The following PRRT1B variants were observed in gnomAD, a reference collection of about 807,000 sequenced individuals.
PRRT1B encodes dispanin subfamily D member 2.
At chr9:131,550,233 T>C (rs1004087501) in intron 1 of PRRT1B, among the ~76,000 whole-genome samples, 4 of 152,220 alleles carry the variant, frequency 2.6e-5, no homozygotes, top group Non-Finnish European at 5.9e-5. Context: ...CAAATTGTTT[T>C]GTCTATCCAC....
chr9:131,557,425 C>T (rs1443295152), intron 3 of PRRT1B, among the ~76,000 whole-genome samples: 1 of 152,194 alleles, frequency 6.6e-6, no homozygotes, highest in African/African-American at 2.4e-5. Flanking sequence ...TTAGTCCCAG[C>T]TACTCAGGAG....
intron 1 of PRRT1B, among the ~76,000 whole-genome samples, chr9:131,546,352 GGCC>G (rs1950974506): frequency 6.6e-6 from 1 of 152,144 alleles, no homozygotes; most frequent in African/African-American, 2.4e-5. Flanking sequence ...GGTGGGATCC[GGCC>G]AAGGCTGCGA....
exon 2 of PRRT1B, chr9:131,554,867 C>G: frequency 2.6e-6 from 1 of 378,736 alleles, no homozygotes; most frequent in Non-Finnish European, 4.7e-6. Context: ...CGCCGGACCC[C>G]AAGGCCGCGC....
At chr9:131,555,328 TG>T (rs143962661) in intron 2 of PRRT1B, among the ~76,000 whole-genome samples, 3,507 of 152,214 alleles carry the variant, frequency 0.023, 140 homozygotes, top group African/African-American at 0.079. Context: ...GTGGAACCCG[TG>T]GGGAGGGACC....
chr9:131,558,649 G>C (rs539029837), downstream of PRRT1B: 1 of 154,640 alleles, frequency 6.5e-6, no homozygotes, highest in Non-Finnish European at 1.4e-5. Context: ...CAGCTTAGGC[G>C]ATCAGGATGC....
At chr9:131,552,672 C>G (rs2132009557) in intron 1 of PRRT1B, among the ~76,000 whole-genome samples, 1 of 134,584 alleles carries the variant, frequency 7.4e-6, no homozygotes, top group East Asian at 2.2e-4. Context: ...AGCCCAACCT[C>G]TAAGGTTTTT....
chr9:131,552,805 C>T (rs1228638546), intron 1 of PRRT1B, among the ~76,000 whole-genome samples: 3 of 151,168 alleles, frequency 2.0e-5, no homozygotes, highest in East Asian at 1.9e-4. Flanking sequence ...CCCAAGTAGC[C>T]GGGACTAGAC....
intron 1 of PRRT1B, among the ~76,000 whole-genome samples, chr9:131,547,571 A>G (rs776815397): frequency 8.5e-5 from 13 of 152,154 alleles, no homozygotes; most frequent in Non-Finnish European, 1.5e-4. Context: ...CAAAAGCTTT[A>G]TTGCTCACAC....
intron 2 of PRRT1B, 127 bp downstream of exon 2, chr9:131,555,156 G>T: frequency 5.6e-6 from 1 of 177,650 alleles, no homozygotes; most frequent in East Asian, 7.3e-5. Flanking sequence ...CTCCCTGGAG[G>T]TGGGGGCATT....
chr9:131,556,114 G>T, exon 3 of PRRT1B: 1 of 401,096 alleles, frequency 2.5e-6, no homozygotes, highest in Non-Finnish European at 4.4e-6. Flanking sequence ...CCACGGTGGA[G>T]CACAGGCCCC....
chr9:131,557,482 G>C (rs1256860812), intron 3 of PRRT1B, among the ~76,000 whole-genome samples: 3 of 152,208 alleles, frequency 2.0e-5, no homozygotes, highest in Non-Finnish European at 4.4e-5. Flanking sequence ...AGGTTGCAGT[G>C]AGCTGAGATC....
exon 4 of PRRT1B, chr9:131,558,548 T>A (rs1951065148): frequency 1.0e-5 from 2 of 200,162 alleles, no homozygotes; most frequent in Admixed American, 1.2e-4. Context: ...TCTGTGCTCT[T>A]GGGAGGCCAT....
At chr9:131,554,670 C>G in exon 2 of PRRT1B, 1 of 385,264 alleles carries the variant, frequency 2.6e-6, no homozygotes, top group Non-Finnish European at 4.6e-6. Context: ...GCTCCCGCAG[C>G]TCCCGCGCCG....
At chr9:131,558,503 C>A in exon 4 of PRRT1B, 1 of 269,358 alleles carries the variant, frequency 3.7e-6, no homozygotes. Context: ...CAGGAGCCTC[C>A]TCTCAAGGCC....
intron 1 of PRRT1B, among the ~76,000 whole-genome samples, chr9:131,550,968 A>T (rs1588549639): frequency 1.0e-5 from 1 of 98,904 alleles, no homozygotes; most frequent in Admixed American, 1.6e-4. Context: ...TTTGAGACAG[A>T]GTCTCACTGT....
chr9:131,554,966 A>C (rs1269587315), exon 2 of PRRT1B: 1 of 385,610 alleles, frequency 2.6e-6, no homozygotes. Context: ...AGCTCTACCC[A>C]GCCGCGCCCA....
At chr9:131,556,461 CTGA>C (rs978377928) in intron 3 of PRRT1B, among the ~76,000 whole-genome samples, 36 of 152,200 alleles carry the variant, frequency 2.4e-4, no homozygotes, top group Non-Finnish European at 2.2e-4. Flanking sequence ...CTGTGAATGA[CTGA>C]TAAGACCCAA....
At chr9:131,557,828 C>G (rs942769664) in intron 3 of PRRT1B, among the ~76,000 whole-genome samples, 3 of 152,264 alleles carry the variant, frequency 2.0e-5, no homozygotes, top group Non-Finnish European at 4.4e-5. Context: ...GAGGTTGAAG[C>G]TGAGGGCAAC....
At chr9:131,553,093 A>T (rs1016187520) in intron 1 of PRRT1B, among the ~76,000 whole-genome samples, 14 of 152,174 alleles carry the variant, frequency 9.2e-5, no homozygotes, top group African/African-American at 3.4e-4. Context: ...AGTTGTCATC[A>T]GCTGGAAAGA....
Sources: gnomAD v4.1 joint callset for allele counts (sites outside exome capture counted in the v4.1 genomes callset) on GRCh38, gnomAD v4.1.1 for gene constraint, MANE v1.5 for transcripts, NCBI Gene and HGNC (gene_info 2026-07-23, HGNC 2026-07-21) for gene names.